PADI4: variants seen among roughly 807,000 people sequenced by gnomAD.
The protein encoded by PADI4 is protein-arginine deiminase type-4.
In PADI4, 62 loss-of-function variants were observed where a neutral mutation model predicts 75.0. The ratio of observed to expected loss-of-function variants is 0.83; its 90% CI spans 0.67 to 1.02. The LOEUF (loss-of-function observed/expected upper bound fraction) is 1.02. Among genes scored for constraint, PADI4 ranks in the 50% least tolerant of loss-of-function variants. The pLI is 0.00. For missense variants in PADI4, 845 were observed against 850.5 expected (o/e 0.99, Z 0.08); for synonymous variants, 361 against 348.1 (o/e 1.04, Z -0.41).
chr1:17,339,659 T>C lies in PADI4; in HGVS notation c.527-29T>C. 6 of 1,612,842 alleles carry C rather than the reference T, an allele frequency of 3.7e-6. No homozygotes were observed. In the South Asian group the frequency reaches 4.4e-5, roughly 12 times the overall value. Reference sequence around the variant, plus strand: ...AACCAGCAGCGGTCTCAGGGCCCTGTGACTCAGGCAATGCCCTTCTCATCC... The same window carrying C: ...AACCAGCAGCGGTCTCAGGGCCCTGCGACTCAGGCAATGCCCTTCTCATCC... On this transcript the variant is annotated intron_variant, in intron 5 of 15. Transcript: ENST00000375448.
At chr1:17,336,923 G>T (rs115537632) in intron 4 of PADI4, among the ~76,000 whole-genome samples, 337 of 152,314 alleles carry the variant, frequency 2.2e-3, no homozygotes, top group African/African-American at 7.4e-3. Context: ...ACGCTCTCCC[G>T]CGAAGGGAGG....
intron 1 of PADI4, among the ~76,000 whole-genome samples, chr1:17,315,236 G>A (rs2073911689): frequency 6.6e-6 from 1 of 152,208 alleles, no homozygotes; most frequent in Non-Finnish European, 1.5e-5. Context: ...ACAGTGAGGG[G>A]TGAGTGAGTG....
At chr1:17,343,187 G>C (rs995604529) in intron 8 of PADI4, among the ~76,000 whole-genome samples, 1 of 151,936 alleles carries the variant, frequency 6.6e-6, no homozygotes, top group Admixed American at 6.6e-5. Flanking sequence ...ACTCCGTCTT[G>C]AGAAAATTAA....
intron 10 of PADI4, among the ~76,000 whole-genome samples, chr1:17,351,275 G>A (rs1024221464): frequency 1.2e-4 from 18 of 150,926 alleles, no homozygotes; most frequent in South Asian, 2.1e-4. Context: ...AGGTGCCAGC[G>A]TGGTAGGGAA....
intron 1 of PADI4, among the ~76,000 whole-genome samples, chr1:17,328,299 T>C (rs2074148344): frequency 6.6e-6 from 1 of 152,080 alleles, no homozygotes; most frequent in Admixed American, 6.5e-5. Flanking sequence ...GCTGGGATTA[T>C]AGGCATGAGC....
At chr1:17,315,316 C>T (rs933138492) in intron 1 of PADI4, among the ~76,000 whole-genome samples, 5 of 152,116 alleles carry the variant, frequency 3.3e-5, no homozygotes, top group Admixed American at 3.3e-4. Flanking sequence ...GAAACTATGC[C>T]TGTCACACAG....
At chr1:17,308,336 G>A (rs78185114) in intron 1 of PADI4, 22 bp downstream of exon 1, 4 of 1,591,922 alleles carry the variant, frequency 2.5e-6, no homozygotes, top group Non-Finnish European at 3.4e-6. Context: ...GCCTTCTGGG[G>A]TTTTGGAGGC....
chr1:17,312,401 A>G lies in PADI4; in HGVS notation c.92+4087A>G, dbSNP rs571329565. ...CTTGAACCCAGGAGGCGGAGGTTGC[A>G]GTGAGCTGAGATTGCACCATTGCAC... On this transcript the variant is annotated intron_variant, in intron 1 of 15. Transcript: ENST00000375448. Among the ~76,000 whole-genome samples, 493 of 144,576 alleles carry G rather than the reference A, an allele frequency of 3.4e-3. 2 individuals are homozygous for G. The highest frequency in any genetic ancestry group is 0.012 in the African/African-American group (468 of 39,024). 94.8% of individuals were successfully genotyped at this position (144,576 alleles called of 152,430 possible).
At chr1:17,309,765 G>A (rs903918136) in intron 1 of PADI4, among the ~76,000 whole-genome samples, 2 of 152,224 alleles carry the variant, frequency 1.3e-5, no homozygotes, top group Non-Finnish European at 2.9e-5. Context: ...CATGGTGGAG[G>A]CAGGAGACCA....
chr1:17,313,721 T>A (rs1222891778), intron 1 of PADI4, among the ~76,000 whole-genome samples: 1 of 150,924 alleles, frequency 6.6e-6, no homozygotes, highest in Non-Finnish European at 1.5e-5. Flanking sequence ...CTCATGGGGG[T>A]GGTTGATCAG....
intron 10 of PADI4, among the ~76,000 whole-genome samples, chr1:17,353,002 CCTGATTCAGGGG>C (rs955150631): frequency 3.9e-5 from 6 of 152,172 alleles, no homozygotes; most frequent in Non-Finnish European, 8.8e-5. Context: ...GGTGTGACCG[CCTGATTCAGGGG>C]CTTCTGAGGG....
chr1:17,328,799 T>C (rs1370391359), intron 1 of PADI4, among the ~76,000 whole-genome samples: 2 of 152,268 alleles, frequency 1.3e-5, no homozygotes, highest in Non-Finnish European at 2.9e-5. Context: ...TATGACTTTT[T>C]TGTATACAAT....
chr1:17,345,119 G>A (rs2074491929), intron 8 of PADI4, among the ~76,000 whole-genome samples: 1 of 152,240 alleles, frequency 6.6e-6, no homozygotes, highest in Non-Finnish European at 1.5e-5. Context: ...AGCATGACCT[G>A]GATGTGAGAC....
intron 5 of PADI4, 21 bp downstream of exon 5, chr1:17,338,176 A>C: frequency 6.7e-7 from 1 of 1,490,370 alleles, no homozygotes; most frequent in Non-Finnish European, 9.4e-7. Flanking sequence ...TTTGCTAGCT[A>C]ACGGGAAGGG....
At chr1:17,339,894 T>C (rs1202432457) in intron 6 of PADI4, 81 bp downstream of exon 6, 1 of 1,455,960 alleles carries the variant, frequency 6.9e-7, no homozygotes, top group African/African-American at 1.4e-5. Flanking sequence ...GGCAGATAAA[T>C]CCTGAGCACC....
chr1:17,327,928 G>T (rs1219955296), intron 1 of PADI4, among the ~76,000 whole-genome samples: 10 of 152,022 alleles, frequency 6.6e-5, no homozygotes, highest in Non-Finnish European at 1.5e-4. Context: ...TTGGAAGGCA[G>T]TTCTCCTATT....
In PADI4 at chr1:17,322,888, G is replaced by C. The variant is rs141626410; in HGVS notation, c.93-8081G>C. ...TTCTTTCTTCTGGTATACTGTATTA[G>C]CTATCTATACTGTGTAACAAATTGT... On this transcript the variant is annotated intron_variant, in intron 1 of 15. Coordinates refer to ENST00000375448, the MANE Select transcript of PADI4 (RefSeq NM_012387.3). Among the ~76,000 whole-genome samples, 498 of 149,662 alleles carry C rather than the reference G, an allele frequency of 3.3e-3. 4 individuals are homozygous for C. Among genetic ancestry groups the C allele is most frequent in the African/African-American group, 0.012 (477 of 40,474 alleles).
intron 6 of PADI4, among the ~76,000 whole-genome samples, chr1:17,340,773 G>A (rs540885040): frequency 6.7e-6 from 1 of 148,872 alleles, no homozygotes; most frequent in African/African-American, 2.5e-5. Flanking sequence ...TGATCATTCT[G>A]CCTGGTCTAT....
At chr1:17,327,105 G>C (rs1247739542) in intron 1 of PADI4, among the ~76,000 whole-genome samples, 1 of 151,948 alleles carries the variant, frequency 6.6e-6, no homozygotes, top group Non-Finnish European at 1.5e-5. Flanking sequence ...TAGAGATGGG[G>C]TTTTACCATA....
Sources: gnomAD v4.1 joint callset for allele counts (sites outside exome capture counted in the v4.1 genomes callset) on GRCh38, gnomAD v4.1.1 for gene constraint, MANE v1.5 for transcripts, NCBI Gene and HGNC (gene_info 2026-07-23, HGNC 2026-07-21) for gene names.